The following OR51E2 variants were observed in gnomAD, a reference collection of about 807,000 sequenced individuals.
OR51E2 encodes the protein olfactory receptor 51E2.
Under a neutral mutation model 13.7 loss-of-function variants are expected in OR51E2, and 14 were observed. The ratio of observed to expected loss-of-function variants is 1.02; its 90% CI spans 0.68 to 1.60. The LOEUF (loss-of-function observed/expected upper bound fraction) is 1.60. OR51E2 is among the 40% of genes most tolerant of loss of function. OR51E2 has a pLI of 0.00. For missense variants in OR51E2, 483 were observed against 413.8 expected, an observed-to-expected ratio of 1.17 and a Z score of -1.45; for synonymous variants, 180 against 157.6, an observed-to-expected ratio of 1.14 and a Z score of -1.07.
intron 1 of OR51E2, among the ~76,000 whole-genome samples, chr11:4,696,901 T>C (rs545056302): frequency 6.6e-6 from 1 of 152,324 alleles, no homozygotes; most frequent in East Asian, 1.9e-4. Flanking sequence ...TGACCTGGGT[T>C]CAGATTCTTG....
chr11:4,688,085 T>C (rs1847535566), intron 1 of OR51E2, among the ~76,000 whole-genome samples: 1 of 152,160 alleles, frequency 6.6e-6, no homozygotes, highest in African/African-American at 2.4e-5. Context: ...GGCTGGGAGA[T>C]AGCATAAATG....
rs143497638 is a variant in OR51E2 at position 4,682,620 on chromosome 11, A to T, written c.92T>A (p.Leu31His). 6 of 1,614,214 alleles carry T rather than the reference A, an allele frequency of 3.7e-6. No individual in the cohort carries two copies. The highest frequency in any genetic ancestry group is 4.2e-6 in the Non-Finnish European group (5 of 1,180,032). ...AAACATTGCCACTACATACATGGAA[A>T]GGAGGGGGAAGCCAACCCAGAAATG... ...KAHFWVGFPL[L>H]SMYVVAMFGN... The change falls in exon 2 of 2, where the codon CTT becomes CAT. Residue 31 changes from leucine to histidine, a missense_variant. By Grantham distance (99) the Leu-to-His change is moderately conservative. Transcript: ENST00000396950.
chr11:4,686,913 G>A (rs1847522688), intron 1 of OR51E2, among the ~76,000 whole-genome samples: 2 of 152,048 alleles, frequency 1.3e-5, no homozygotes, highest in Admixed American at 6.6e-5. Context: ...TTGGACAGGA[G>A]GACTGTCCAC....
At chr11:4,688,249 T>G (rs1446064098) in intron 1 of OR51E2, among the ~76,000 whole-genome samples, 2 of 150,888 alleles carry the variant, frequency 1.3e-5, no homozygotes, top group African/African-American at 4.9e-5. Context: ...GAGGGAGAGG[T>G]GTTGTTGTTG....
intron 1 of OR51E2, among the ~76,000 whole-genome samples, chr11:4,687,632 T>C (rs1382006662): frequency 6.6e-6 from 1 of 152,194 alleles, no homozygotes; most frequent in East Asian, 1.9e-4. Context: ...AGAGTAAAAG[T>C]TACAATGGAC....
chr11:4,696,663 C>A (rs1215344626), intron 1 of OR51E2, among the ~76,000 whole-genome samples: 6 of 152,188 alleles, frequency 3.9e-5, no homozygotes, highest in African/African-American at 1.4e-4. Flanking sequence ...ACTCTAGAAT[C>A]TTTCCGACCC....
At chr11:4,691,415 A>G (rs1438877613) in intron 1 of OR51E2, 3 of 457,780 alleles carry the variant, frequency 6.6e-6, no homozygotes, top group Admixed American at 4.7e-5. Flanking sequence ...AGCAGGCATT[A>G]AAGCTGATTT....
In OR51E2 at chr11:4,682,206, T is replaced by A. The variant is rs1847460811; in HGVS notation, c.506A>T (p.His169Leu). 1 of 1,613,526 alleles carries A rather than the reference T, an allele frequency of 6.2e-7. No homozygotes were observed. ...ATAGGAGTGCGAGAGGACATTGGAGTGGCAGAAGGCCAGCCGCTTGATCAG... is the reference window on the plus strand; with the variant it reads ...ATAGGAGTGCGAGAGGACATTGGAGAGGCAGAAGGCCAGCCGCTTGATCAG... ...PLLIKRLAFC[H>L]SNVLSHSYCV... The change falls in exon 2 of 2, where the codon CAC (histidine) becomes CTC (leucine). Residue 169 changes from histidine (H) to leucine (L), a missense_variant. By Grantham distance (99) the His-to-Leu change is moderately conservative. Transcript: ENST00000396950.
intron 1 of OR51E2, among the ~76,000 whole-genome samples, chr11:4,692,609 G>T (rs542635043): frequency 1.3e-5 from 2 of 152,308 alleles, no homozygotes; most frequent in African/African-American, 4.8e-5. Flanking sequence ...AGATAGATGG[G>T]TATGGTTGAG....
At chr11:4,696,156 T>C (rs575551493) in intron 1 of OR51E2, among the ~76,000 whole-genome samples, 1 of 152,208 alleles carries the variant, frequency 6.6e-6, no homozygotes, top group East Asian at 1.9e-4. Context: ...CTGCATGTGG[T>C]GAATAAAAAG....
intron 1 of OR51E2, among the ~76,000 whole-genome samples, chr11:4,683,439 G>GA (rs1200642841): frequency 3.3e-5 from 5 of 151,890 alleles, no homozygotes; most frequent in African/African-American, 9.7e-5. Flanking sequence ...CAAAAACTAA[G>GA]AAAAAAATGC....
rs201562219 is a variant in OR51E2, at chr11:4,682,044, G to A, written c.668C>T (p.Thr223Met). 4.5e-5 allele frequency: 72 copies of A among 1,614,092 alleles called. No homozygotes were observed. In the Admixed American group the frequency reaches 6.0e-4, roughly 13 times the overall value. The change falls in exon 2 of 2, where the codon ACG becomes ATG. Residue 223 changes from threonine to methionine, a missense_variant. By Grantham distance (81) the Thr-to-Met change is moderately conservative (BLOSUM62 -1). Coordinates refer to ENST00000396950, the MANE Select transcript of OR51E2 (RefSeq NM_030774.4). The part of the protein sequence containing the change: ...ISLSYFLIIR[T>M]VLQLPSKSER... ...TGACTTGGAAGGCAGTTGCAGAACC[G>A]TTCGTATTATCAGAAAATAGGACAA... is the stretch of plus-strand genomic sequence containing the variant.
chr11:4,687,476 G>A (rs1657114139), intron 1 of OR51E2, among the ~76,000 whole-genome samples: 1 of 152,138 alleles, frequency 6.6e-6, no homozygotes, highest in African/African-American at 2.4e-5. Context: ...GCAGTACTTG[G>A]CACAGTATTC....
At chr11:4,683,467 C>T (rs994438074) in intron 1 of OR51E2, among the ~76,000 whole-genome samples, 31 of 152,152 alleles carry the variant, frequency 2.0e-4, no homozygotes, top group African/African-American at 6.7e-4. Flanking sequence ...CAATCTCTTT[C>T]GGATTAAAGG....
intron 1 of OR51E2, among the ~76,000 whole-genome samples, chr11:4,686,867 T>C (rs1847521805): frequency 6.6e-6 from 1 of 151,922 alleles, no homozygotes; most frequent in African/African-American, 2.4e-5. Context: ...CATTACCAAT[T>C]TCCTATAGAT....
In OR51E2 at chr11:4,681,722, AGAT is replaced by A. The variant is rs1480057129; in HGVS notation, c.*24_*26del. 2.5e-6 allele frequency: 4 copies of A among 1,606,956 alleles called. No homozygotes were observed. The South Asian group carries it at 4.4e-5, about 18-fold the overall frequency. Reference sequence around the variant, plus strand: ...ATAATTATGTTTATCAAGCCAATAAAGATAAGGAGAAGTGTAGTGTTAAGGGTC... The same window carrying A: ...ATAATTATGTTTATCAAGCCAATAAAAAGGAGAAGTGTAGTGTTAAGGGTC... On this transcript the variant is annotated 3_prime_UTR_variant, in exon 2 of 2. Transcript: ENST00000396950.
At chr11:4,694,335 G>A (rs973148934) in intron 1 of OR51E2, among the ~76,000 whole-genome samples, 12 of 151,666 alleles carry the variant, frequency 7.9e-5, no homozygotes, top group African/African-American at 1.9e-4. Context: ...CACTTTACAA[G>A]CATATCTTCC....
chr11:4,692,895 C>T (rs1056243243), intron 1 of OR51E2, among the ~76,000 whole-genome samples: 4 of 151,610 alleles, frequency 2.6e-5, no homozygotes, highest in African/African-American at 9.7e-5. Flanking sequence ...CTAAAATTAA[C>T]AGAAAACTAG....
rs371720346 is a variant in OR51E2 at position 4,682,541 on chromosome 11, C to T, written c.171G>A (p.Pro57=). ...CAAGCATGCAGAGAAAGAGGTACAT[C>T]GGAGCGTGCAGGCTGCGTTCCGTCC... ...IVRTERSLHA[P]MYLFLCMLAA... The change falls in exon 2 of 2, where the codon CCG becomes CCA. Residue 57 remains proline, a synonymous_variant. Coordinates refer to ENST00000396950, the MANE Select transcript of OR51E2 (RefSeq NM_030774.4). 23 of 1,614,060 alleles carry T rather than the reference C, an allele frequency of 1.4e-5. No homozygotes were observed. The East Asian group carries it at 1.6e-4, about 11-fold the overall frequency.
Sources: allele counts gnomAD v4.1 joint callset (sites outside exome capture counted in the v4.1 genomes callset), GRCh38; gene constraint gnomAD v4.1.1; transcripts MANE v1.5; gene names NCBI Gene and HGNC (gene_info 2026-07-23, HGNC 2026-07-21).